The following GALNT3 variants were observed in gnomAD, a reference collection of about 807,000 sequenced individuals.
GALNT3 encodes the protein polypeptide N-acetylgalactosaminyltransferase 3.
Under a neutral mutation model 69.8 loss-of-function variants are expected in GALNT3, and 51 were observed. The ratio of observed to expected loss-of-function variants is 0.73; its 90% CI spans 0.58 to 0.92. The LOEUF (loss-of-function observed/expected upper bound fraction) is 0.92. GALNT3 is among the 40% of genes least tolerant of loss of function. The pLI, the probability that GALNT3 is intolerant of heterozygous loss-of-function variation, is 0.00. For synonymous variants in GALNT3, 265 were observed against 248.5 expected (o/e 1.07, Z -0.63); for missense variants, 711 against 760.0 (o/e 0.94, Z 0.76).
chr2:165,762,651 T>C (rs1688572863), intron 3 of GALNT3, among the ~76,000 whole-genome samples: 1 of 152,214 alleles, frequency 6.6e-6, no homozygotes, highest in Non-Finnish European at 1.5e-5. Flanking sequence ...TTTTATTTAG[T>C]AAAATATGAA....
rs115269228 is a variant in GALNT3 at position 165,769,785 on chromosome 2, T to G, written c.515+401A>C. 2.7e-3 allele frequency among the ~76,000 whole-genome samples: 411 copies of G among 152,306 alleles called. 1 individual carries two copies. Among genetic ancestry groups the G allele is most frequent in the African/African-American group, 8.4e-3 (349 of 41,572 alleles). On this transcript the variant is annotated intron_variant, in intron 2 of 10. Transcript: ENST00000392701. ...CCAACAGTTCCAAAATCTTGGCATG[T>G]TTTTAAACATTTTTATTCTAAAGAA...
chr2:165,754,434 A>G (rs550702220), intron 9 of GALNT3, among the ~76,000 whole-genome samples, 193 bp downstream of exon 9: 1 of 134,168 alleles, frequency 7.5e-6, no homozygotes, highest in Non-Finnish European at 1.6e-5. Flanking sequence ...TAAGCTACTC[A>G]AATTGTTTTC....
chr2:165,754,544 T>C (rs551939201), intron 9 of GALNT3, 83 bp downstream of exon 9: 4 of 957,666 alleles, frequency 4.2e-6, no homozygotes, highest in Admixed American at 3.7e-5. Context: ...ATAAAGCTGC[T>C]GTGGGACTTC....
chr2:165,771,825 C>T (rs1367804578), intron 1 of GALNT3: 1 of 152,168 alleles, frequency 6.6e-6, no homozygotes, highest in Non-Finnish European at 1.5e-5. Flanking sequence ...TTCCAAAGTT[C>T]TCCCTAAATT....
chr2:165,761,440 G>A (rs943019035), intron 4 of GALNT3, among the ~76,000 whole-genome samples: 1 of 152,088 alleles, frequency 6.6e-6, no homozygotes, highest in Non-Finnish European at 1.5e-5. Context: ...TTGAACTCCT[G>A]ACCTCAAATG....
intron 1 of GALNT3, among the ~76,000 whole-genome samples, chr2:165,793,089 A>G (rs968806130): frequency 3.3e-5 from 5 of 152,224 alleles, no homozygotes; most frequent in African/African-American, 1.2e-4. Flanking sequence ...GAAGGAAATA[A>G]AAGTCTAAGG....
At chr2:165,754,883 T>A in intron 8 of GALNT3, 49 bp downstream of exon 8, 1 of 1,594,300 alleles carries the variant, frequency 6.3e-7, no homozygotes, top group African/African-American at 1.3e-5. Flanking sequence ...CACATAAAGG[T>A]TGGTGGCAAG....
intron 1 of GALNT3, among the ~76,000 whole-genome samples, chr2:165,778,359 C>T (rs1683018793): frequency 6.6e-6 from 1 of 152,134 alleles, no homozygotes; most frequent in African/African-American, 2.4e-5. Flanking sequence ...AACATTTGTC[C>T]ATCTATTTAC....
chr2:165,781,830 T>A (rs1683117266), intron 1 of GALNT3, among the ~76,000 whole-genome samples: 1 of 152,292 alleles, frequency 6.6e-6, no homozygotes, highest in Non-Finnish European at 1.5e-5. Flanking sequence ...TAAGAATTGA[T>A]CTAGCCCTGA....
At chr2:165,764,504 T>C (rs1688604458) in intron 3 of GALNT3, among the ~76,000 whole-genome samples, 1 of 152,196 alleles carries the variant, frequency 6.6e-6, no homozygotes, top group Admixed American at 6.5e-5. Context: ...ATGGCATTAT[T>C]CCCATTTTGC....
intron 1 of GALNT3, among the ~76,000 whole-genome samples, chr2:165,788,965 C>T (rs953379353): frequency 6.6e-6 from 1 of 152,140 alleles, no homozygotes; most frequent in Non-Finnish European, 1.5e-5. Flanking sequence ...TTGAGGTTGA[C>T]AACACTATCT....
chr2:165,763,253 C>A (rs976450466), intron 3 of GALNT3, among the ~76,000 whole-genome samples: 10 of 152,094 alleles, frequency 6.6e-5, no homozygotes, highest in African/African-American at 2.4e-4. Flanking sequence ...AATAAATGTC[C>A]TGGGGCAAAA....
chr2:165,761,838 C>T (rs758874937), intron 4 of GALNT3, 67 bp downstream of exon 4: 1 of 1,553,042 alleles, frequency 6.4e-7, no homozygotes, highest in South Asian at 1.1e-5. Context: ...AAAAGACTTC[C>T]TTACCTTTTA....
At chr2:165,793,921 C>CG in intron 1 of GALNT3, 94 bp downstream of exon 1, 1 of 153,436 alleles carries the variant, frequency 6.5e-6, no homozygotes, top group Non-Finnish European at 1.4e-5. Context: ...GACCGTAGCC[C>CG]TGTCCCCAAC....
intron 1 of GALNT3, among the ~76,000 whole-genome samples, chr2:165,772,379 G>A (rs1688767487): frequency 6.6e-6 from 1 of 151,950 alleles, no homozygotes; most frequent in African/African-American, 2.4e-5. Flanking sequence ...GAGACCAGGA[G>A]TTCGAGACCA....
At chr2:165,782,300 C>A (rs1683126348) in intron 1 of GALNT3, among the ~76,000 whole-genome samples, 1 of 151,820 alleles carries the variant, frequency 6.6e-6, no homozygotes, top group Admixed American at 6.6e-5. Context: ...TTGGGTTTCC[C>A]TGGGCCACAT....
At chr2:165,793,394 G>A (rs950473054) in intron 1 of GALNT3, among the ~76,000 whole-genome samples, 2 of 152,182 alleles carry the variant, frequency 1.3e-5, no homozygotes, top group Non-Finnish European at 2.9e-5. Flanking sequence ...ACTCTGGCCT[G>A]GAGAGCGCAC....
intron 1 of GALNT3, among the ~76,000 whole-genome samples, chr2:165,786,982 G>A (rs1245286772): frequency 6.6e-6 from 1 of 152,044 alleles, no homozygotes; most frequent in Non-Finnish European, 1.5e-5. Flanking sequence ...AAATATAAAG[G>A]CATTAATAAC....
chr2:165,788,144 C>T (rs566088584), intron 1 of GALNT3, among the ~76,000 whole-genome samples: 55 of 151,876 alleles, frequency 3.6e-4, no homozygotes, highest in Non-Finnish European at 5.7e-4. Flanking sequence ...CTGGCTAACA[C>T]GGTGAAACCC....
Sources: allele counts gnomAD v4.1 joint callset (sites outside exome capture counted in the v4.1 genomes callset), GRCh38; gene constraint gnomAD v4.1.1; transcripts MANE v1.5; gene names NCBI Gene and HGNC (gene_info 2026-07-23, HGNC 2026-07-21).